Variants in SGCG observed in about 807,000 individuals in gnomAD.
The protein encoded by SGCG is sarcoglycan gamma.
In SGCG, 26 loss-of-function variants were observed where a neutral mutation model predicts 29.3. That is an observed-to-expected ratio of 0.89 (90% CI 0.65 to 1.23). SGCG has a LOEUF of 1.23. SGCG is among the 50% of genes most tolerant of loss of function. The pLI is 0.00. For missense variants in SGCG, 353 were observed against 356.0 expected, an observed-to-expected ratio of 0.99 and a Z score of 0.07; for synonymous variants, 145 against 129.7, an observed-to-expected ratio of 1.12 and a Z score of -0.80.
chr13:23,191,383 A>G (rs971014916), intron 1 of SGCG, among the ~76,000 whole-genome samples: 1 of 152,184 alleles, frequency 6.6e-6, no homozygotes, highest in Admixed American at 6.5e-5. Flanking sequence ...AGCAAGGAGA[A>G]CTTCAGTTGT....
At chr13:23,302,570 C>G in intron 6 of SGCG, among the ~76,000 whole-genome samples, 1 of 152,068 alleles carries the variant, frequency 6.6e-6, no homozygotes, top group Non-Finnish European at 1.5e-5. Flanking sequence ...GCCAATTACT[C>G]TGATTTGATT....
intron 2 of SGCG, among the ~76,000 whole-genome samples, chr13:23,215,413 T>A (rs1878390109): frequency 6.6e-6 from 1 of 152,190 alleles, no homozygotes; most frequent in East Asian, 1.9e-4. Flanking sequence ...AAGCCTACTT[T>A]GAGATACTGT....
chr13:23,293,849 T>A (rs1048942936), intron 5 of SGCG, among the ~76,000 whole-genome samples: 2 of 144,254 alleles, frequency 1.4e-5, no homozygotes, highest in African/African-American at 5.1e-5. Context: ...AAAAAAAAAA[T>A]TAGTAAGGGC....
intron 5 of SGCG, among the ~76,000 whole-genome samples, chr13:23,279,729 T>TCCTTCCTTCCTTCCTTCCTTCCTTCCTTC (rs1190683399): frequency 1.3e-5 from 2 of 151,676 alleles, no homozygotes; most frequent in East Asian, 1.9e-4. Context: ...CTCCCTTCCT[T>TCCTTCCTTCCTTCCTTCCTTCCTTCCTTC]CTTTTTTTTT....
At chr13:23,320,530 T>TTA (rs1234232698) in intron 6 of SGCG, 107 bp from the exon 7 acceptor site, 2 of 919,564 alleles carry the variant, frequency 2.2e-6, no homozygotes, top group Non-Finnish European at 3.4e-6. Flanking sequence ...ACTTGAAGAC[T>TTA]TACATATCTT....
intron 6 of SGCG, among the ~76,000 whole-genome samples, chr13:23,313,598 A>C (rs1882687075): frequency 6.6e-6 from 1 of 152,196 alleles, no homozygotes; most frequent in African/African-American, 2.4e-5. Flanking sequence ...ACTGACTTCT[A>C]TTTATTTTTA....
chr13:23,282,475 C>T (rs1223832801), intron 5 of SGCG, among the ~76,000 whole-genome samples: 1 of 152,158 alleles, frequency 6.6e-6, no homozygotes, highest in Non-Finnish European at 1.5e-5. Context: ...GATCCTCTCC[C>T]TCCTCCCATC....
intron 3 of SGCG, among the ~76,000 whole-genome samples, chr13:23,237,140 T>G (rs1879345447): frequency 6.6e-6 from 1 of 152,224 alleles, no homozygotes; most frequent in Non-Finnish European, 1.5e-5. Flanking sequence ...CATGCTACTC[T>G]GGCCTCTAAC....
At chr13:23,196,140 C>T (rs879697239) in intron 1 of SGCG, among the ~76,000 whole-genome samples, 6 of 152,044 alleles carry the variant, frequency 3.9e-5, no homozygotes, top group Non-Finnish European at 8.8e-5. Context: ...ACATATTTCA[C>T]ATACCCAAAA....
intron 2 of SGCG, among the ~76,000 whole-genome samples, chr13:23,225,109 T>A (rs1175525897): frequency 1.3e-5 from 2 of 152,110 alleles, no homozygotes; most frequent in Admixed American, 6.5e-5. Flanking sequence ...GACAAGAACC[T>A]CAGCACCTTC....
intron 4 of SGCG, among the ~76,000 whole-genome samples, chr13:23,265,317 G>T (rs1167976506): frequency 6.6e-6 from 1 of 152,158 alleles, no homozygotes; most frequent in Non-Finnish European, 1.5e-5. Context: ...AGTGGCTCAT[G>T]CCTGTAATCC....
At chr13:23,191,046 A>G (rs893451753) in intron 1 of SGCG, among the ~76,000 whole-genome samples, 1 of 152,220 alleles carries the variant, frequency 6.6e-6, no homozygotes, top group Non-Finnish European at 1.5e-5. Context: ...CACAAAATCA[A>G]CAACAGAAAC....
At chr13:23,173,732 G>C in the SGCG span, among the ~76,000 whole-genome samples, 1 of 152,104 alleles carries the variant, frequency 6.6e-6, no homozygotes, top group African/African-American at 2.4e-5. Flanking sequence ...TTTGCAATAA[G>C]AACAAATACA....
At chr13:23,295,929 C>G (rs1448734593) in intron 6 of SGCG, among the ~76,000 whole-genome samples, 1 of 152,224 alleles carries the variant, frequency 6.6e-6, no homozygotes, top group Non-Finnish European at 1.5e-5. Flanking sequence ...ACTGCCATAT[C>G]CTCGCCCACC....
At chr13:23,299,446 A>ATTTTTTT (rs1566037539) in intron 6 of SGCG, among the ~76,000 whole-genome samples, 2 of 7,392 alleles carry the variant, frequency 2.7e-4, no homozygotes, top group Non-Finnish European at 5.6e-4. Context: ...ATATATATAT[A>ATTTTTTT]TATATATATA....
rs141362715 is a variant in SGCG, at chr13:23,232,204, A to G, written c.196-2407A>G. 1.9e-3 allele frequency among the ~76,000 whole-genome samples: 283 copies of G among 152,192 alleles called. 3 individuals carry two copies. Among genetic ancestry groups the G allele is most frequent in the African/African-American group, 6.5e-3 (268 of 41,516 alleles). ...AGCAGTGTGTGGGGCTTCCACATGCACACTGCTAATGCCACCACTCCCAAA... is the reference window on the plus strand; with the variant it reads ...AGCAGTGTGTGGGGCTTCCACATGCGCACTGCTAATGCCACCACTCCCAAA... On this transcript the variant is annotated intron_variant, in intron 2 of 7. Coordinates refer to ENST00000218867, the MANE Select transcript of SGCG (RefSeq NM_000231.3).
At chr13:23,260,012 T>C (rs4457853) in intron 4 of SGCG, among the ~76,000 whole-genome samples, 10,504 of 152,254 alleles carry the variant, frequency 0.069, 496 homozygotes, top group East Asian at 0.13. Context: ...GAGAAGAATG[T>C]ATATTCTGTT....
intron 6 of SGCG, among the ~76,000 whole-genome samples, chr13:23,317,056 A>G (rs143833171): frequency 1.3e-5 from 2 of 152,268 alleles, no homozygotes; most frequent in East Asian, 3.9e-4. Context: ...TTAGCCGGGC[A>G]TGGTGGTAGG....
upstream of SGCG, among the ~76,000 whole-genome samples, chr13:23,177,018 G>A (rs1036198700): frequency 2.0e-5 from 3 of 152,172 alleles, no homozygotes; most frequent in African/African-American, 7.2e-5. Context: ...TGGTATATAT[G>A]CATGGTGTAA....
Sources: gnomAD v4.1 joint callset for allele counts (sites outside exome capture counted in the v4.1 genomes callset) on GRCh38, gnomAD v4.1.1 for gene constraint, MANE v1.5 for transcripts, NCBI Gene and HGNC (gene_info 2026-07-23, HGNC 2026-07-21) for gene names.